PPME1: variants seen among roughly 807,000 people sequenced by gnomAD.
The protein encoded by PPME1 is protein phosphatase methylesterase 1.
A neutral mutation model predicts 56.9 loss-of-function variants in PPME1; 17 were observed. That is an observed-to-expected ratio of 0.30 (90% CI 0.20 to 0.45). The LOEUF (loss-of-function observed/expected upper bound fraction) is 0.45. PPME1 is among the 20% of genes least tolerant of loss of function. The pLI, the probability that PPME1 is intolerant of heterozygous loss-of-function variation, is 1.00. For missense variants in PPME1, 357 were observed against 483.2 expected (o/e 0.74, Z 2.45); for synonymous variants, 122 against 156.2 (o/e 0.78, Z 1.63).
chr11:74,183,694 T>TGATGGTGC (rs1857598402), intron 1 of PPME1, among the ~76,000 whole-genome samples: 3 of 152,208 alleles, frequency 2.0e-5, no homozygotes, highest in African/African-American at 7.2e-5. Context: ...TCTTACAAAT[T>TGATGGTGC]CTTTTTCTTA....
At position 74,189,267 on chromosome 11, in the gene PPME1, A is replaced by C. The variant is rs1484875182; in HGVS notation, c.102-14461A>C. Among the ~76,000 whole-genome samples the C allele has an allele frequency of 1.3e-5, 2 of 152,110 alleles. 1 individual carries two copies. Among genetic ancestry groups the C allele is most frequent in the African/African-American group, 4.8e-5 (2 of 41,420 alleles). On this transcript the variant is annotated intron_variant, in intron 1 of 13. Transcript: ENST00000328257. ...ATAATAAATAAATAAAATAGCATAC[A>C]TATGGTTCTGCATATTGCTTTACTT...
chr11:74,213,807 A>C (rs1858545211), intron 3 of PPME1, among the ~76,000 whole-genome samples: 1 of 152,236 alleles, frequency 6.6e-6, no homozygotes, highest in African/African-American at 2.4e-5. Flanking sequence ...GCAGTGACCA[A>C]AAACTTAGAT....
intron 1 of PPME1, among the ~76,000 whole-genome samples, chr11:74,184,676 A>G (rs1430506160): frequency 6.6e-6 from 1 of 152,206 alleles, no homozygotes; most frequent in Non-Finnish European, 1.5e-5. Context: ...GTTCCACAAG[A>G]AAGACTGGGT....
intron 8 of PPME1, among the ~76,000 whole-genome samples, chr11:74,237,227 T>C (rs189474300): frequency 3.0e-4 from 46 of 152,016 alleles, no homozygotes; most frequent in African/African-American, 1.1e-3. Context: ...GAATACTTGA[T>C]AGGTGATGTT....
intron 3 of PPME1, among the ~76,000 whole-genome samples, chr11:74,207,744 T>C (rs1259459371): frequency 1.3e-5 from 2 of 152,156 alleles, no homozygotes; most frequent in South Asian, 2.1e-4. Flanking sequence ...AAACTGAAGT[T>C]TGGCTGAGCC....
At chr11:74,209,373 G>A (rs1014861470) in intron 3 of PPME1, among the ~76,000 whole-genome samples, 7 of 152,166 alleles carry the variant, frequency 4.6e-5, no homozygotes, top group Non-Finnish European at 8.8e-5. Context: ...AAAGTGCTGG[G>A]TTTACAGGCA....
intron 8 of PPME1, among the ~76,000 whole-genome samples, chr11:74,236,905 A>G (rs1347557088): frequency 1.3e-5 from 2 of 152,236 alleles, no homozygotes; most frequent in African/African-American, 2.4e-5. Flanking sequence ...TATCTAATCA[A>G]TATTTACATT....
chr11:74,216,044 CCAATA>C (rs1591044869), intron 3 of PPME1, among the ~76,000 whole-genome samples: 1 of 152,096 alleles, frequency 6.6e-6, no homozygotes, highest in East Asian at 1.9e-4. Flanking sequence ...TGGGCCCCAC[CCAATA>C]CAATAAGAGC....
At chr11:74,175,031 A>G (rs945806335) in intron 1 of PPME1, among the ~76,000 whole-genome samples, 2 of 152,192 alleles carry the variant, frequency 1.3e-5, no homozygotes, top group Admixed American at 6.5e-5. Context: ...TTCTTTATTA[A>G]AGCTTTTAGA....
Sources: allele counts gnomAD v4.1 joint callset (sites outside exome capture counted in the v4.1 genomes callset), GRCh38; gene constraint gnomAD v4.1.1; transcripts MANE v1.5; gene names NCBI Gene and HGNC (gene_info 2026-07-23, HGNC 2026-07-21).